Variants in IDO2 observed in about 807,000 individuals in gnomAD.
IDO2 encodes the protein indoleamine 2,3-dioxygenase 2.
A neutral mutation model predicts 45.1 loss-of-function variants in IDO2; 46 were observed. The ratio of observed to expected loss-of-function variants is 1.02; its 90% CI spans 0.80 to 1.30. IDO2 has a LOEUF of 1.30. IDO2 is among the 50% of genes most tolerant of loss of function. IDO2 has a pLI of 0.00. For synonymous variants in IDO2, 218 were observed against 184.9 expected (o/e 1.18, Z -1.45); for missense variants, 544 against 491.8 (o/e 1.11, Z -1.00).
At chr8:39,962,863 C>A (rs1028831155) in intron 2 of IDO2, among the ~76,000 whole-genome samples, 1 of 152,032 alleles carries the variant, frequency 6.6e-6, no homozygotes, top group Non-Finnish European at 1.5e-5. Flanking sequence ...TTCACCCAAG[C>A]AAACCATAGG....
chr8:40,008,745 G>A (rs1332491078), intron 9 of IDO2, among the ~76,000 whole-genome samples: 1 of 152,190 alleles, frequency 6.6e-6, no homozygotes, highest in African/African-American at 2.4e-5. Flanking sequence ...ATGTGTACTA[G>A]AAGGTGATTT....
chr8:39,937,915 C>A (rs1340056251), intron 1 of IDO2, among the ~76,000 whole-genome samples: 1 of 152,162 alleles, frequency 6.6e-6, no homozygotes, highest in Non-Finnish European at 1.5e-5. Flanking sequence ...ATCAACATAA[C>A]ATTGCTTGTA....
At chr8:39,951,026 TCAAAA>T (rs71237202) in intron 2 of IDO2, among the ~76,000 whole-genome samples, 137 of 147,598 alleles carry the variant, frequency 9.3e-4, no homozygotes, top group Middle Eastern at 3.4e-3. Context: ...GAAACTCGTC[TCAAAA>T]CAAAACAAAA....
chr8:39,941,152 G>T (rs184183035), intron 1 of IDO2, among the ~76,000 whole-genome samples: 1 of 141,972 alleles, frequency 7.0e-6, no homozygotes, highest in Non-Finnish European at 1.5e-5. Context: ...AACCTGGAAG[G>T]CAGAGGCTAC....
At chr8:40,004,221 GA>G (rs1396295466) in intron 8 of IDO2, among the ~76,000 whole-genome samples, 1 of 152,188 alleles carries the variant, frequency 6.6e-6, no homozygotes, top group Non-Finnish European at 1.5e-5. Flanking sequence ...CACCACCAAG[GA>G]GCATCTGAAG....
At chr8:39,946,787 C>T (rs7839611) in intron 1 of IDO2, among the ~76,000 whole-genome samples, 1,800 of 152,242 alleles carry the variant, frequency 0.012, 33 homozygotes, top group African/African-American at 0.04. Context: ...AAGGTGACCT[C>T]ACTGGGCAGT....
chr8:39,995,265 C>CCT, intron 8 of IDO2: 1 of 90,036 alleles, frequency 1.1e-5, no homozygotes, highest in Admixed American at 1.2e-4. Context: ...CTTCTTCTTC[C>CCT]TCTTCTTCTT....
intron 3 of IDO2, among the ~76,000 whole-genome samples, chr8:39,971,018 C>T (rs889963130): frequency 1.3e-5 from 2 of 152,142 alleles, no homozygotes; most frequent in Non-Finnish European, 2.9e-5. Context: ...CCCCCCTTGG[C>T]CTCCCAAAGT....
In IDO2 at chr8:39,999,570, C is replaced by T. The variant is rs183855242; in HGVS notation, c.668-5757C>T. ...CTAAGATTACAGGCCTGAGCCACCA[C>T]GCCTGGCCACAATTTTTAAACTTTT... On this transcript the variant is annotated intron_variant, in intron 8 of 10. Transcript: ENST00000502986. Among the ~76,000 whole-genome samples, 123 of 151,398 alleles carry T rather than the reference C, an allele frequency of 8.1e-4. 2 individuals carry two copies. Among genetic ancestry groups the T allele is most frequent in the African/African-American group, 5.6e-4 (23 of 41,252 alleles).
exon 11 of IDO2, chr8:40,015,653 C>A: frequency 7.3e-7 from 1 of 1,368,394 alleles, no homozygotes; most frequent in Non-Finnish European, 1.0e-6. Context: ...GGCAGGTGGG[C>A]CTGGAGAATG....
chr8:39,949,838 G>A (rs1314793144), intron 2 of IDO2, among the ~76,000 whole-genome samples: 1 of 152,192 alleles, frequency 6.6e-6, no homozygotes, highest in African/African-American at 2.4e-5. Flanking sequence ...AAACTTGGGT[G>A]CTTTCAGGGC....
intron 8 of IDO2, among the ~76,000 whole-genome samples, chr8:39,996,794 C>T (rs1802051954): frequency 6.6e-6 from 1 of 152,114 alleles, no homozygotes; most frequent in Non-Finnish European, 1.5e-5. Context: ...TGAAAGGGCA[C>T]CATTTTACAA....
intron 4 of IDO2, among the ~76,000 whole-genome samples, chr8:39,979,982 C>A (rs568390894): frequency 6.6e-6 from 1 of 152,284 alleles, no homozygotes; most frequent in South Asian, 2.1e-4. Context: ...CCGCCACACC[C>A]AGCTAATGTT....
chr8:39,996,500 A>G (rs1374355510), intron 8 of IDO2, among the ~76,000 whole-genome samples: 3 of 152,060 alleles, frequency 2.0e-5, no homozygotes, highest in Non-Finnish European at 4.4e-5. Flanking sequence ...TGTATCTAAT[A>G]AATAACAGCT....
chr8:39,949,122 G>A, intron 1 of IDO2, 27 bp from the exon 2 acceptor site: 1 of 1,572,884 alleles, frequency 6.4e-7, no homozygotes, highest in Admixed American at 1.9e-5. Context: ...AGGAACAATT[G>A]ATTCTTCAGT....
chr8:40,005,804 G>T (rs149440754), intron 9 of IDO2, among the ~76,000 whole-genome samples: 4 of 152,136 alleles, frequency 2.6e-5, no homozygotes, highest in Non-Finnish European at 5.9e-5. Flanking sequence ...TGGTTTGAAC[G>T]AATGTGTCCC....
At chr8:40,008,508 AC>A (rs1479895050) in intron 9 of IDO2, among the ~76,000 whole-genome samples, 1 of 152,174 alleles carries the variant, frequency 6.6e-6, no homozygotes, top group Non-Finnish European at 1.5e-5. Flanking sequence ...CTGATTAATA[AC>A]CTTAATTACA....
intron 2 of IDO2, among the ~76,000 whole-genome samples, chr8:39,956,717 G>A (rs2729486): frequency 0.19 from 28,366 of 151,914 alleles, 2,659 homozygotes; most frequent in East Asian, 0.27. Context: ...AGTAGGCCCT[G>A]TGTTAACTTT....
At chr8:39,956,903 C>T (rs933596393) in intron 2 of IDO2, among the ~76,000 whole-genome samples, 1 of 151,506 alleles carries the variant, frequency 6.6e-6, no homozygotes, top group Non-Finnish European at 1.5e-5. Context: ...ATCAGCCGGA[C>T]GTGGTGGTAT....
Sources: gnomAD v4.1 joint callset for allele counts (sites outside exome capture counted in the v4.1 genomes callset) on GRCh38, gnomAD v4.1.1 for gene constraint, MANE v1.5 for transcripts, NCBI Gene and HGNC (gene_info 2026-07-23, HGNC 2026-07-21) for gene names.